The following TTC28 variants were observed in gnomAD, a reference collection of about 807,000 sequenced individuals.
The protein encoded by TTC28 is tetratricopeptide repeat protein 28.
TTC28 carries 61 observed loss-of-function variants against 198.0 expected under a neutral mutation model. The ratio of observed to expected loss-of-function variants is 0.31; its 90% CI spans 0.25 to 0.38. TTC28 has a LOEUF of 0.38. Ranked by LOEUF, TTC28 falls within the 10% of genes least tolerant of loss-of-function variation. TTC28 has a pLI of 1.00. For missense variants in TTC28, 2,678 were observed against 3,164.0 expected (o/e 0.85, Z 3.69); for synonymous variants, 1,171 against 1,297.8 (o/e 0.90, Z 2.10).
chr22:28,370,823 A>G (rs573407175), intron 2 of TTC28, among the ~76,000 whole-genome samples: 2 of 152,340 alleles, frequency 1.3e-5, no homozygotes, highest in East Asian at 1.9e-4. Context: ...TTGCTTTTCA[A>G]TGTTGTCCCT....
chr22:28,515,698 A>G (rs2048772254), intron 2 of TTC28, among the ~76,000 whole-genome samples: 1 of 152,190 alleles, frequency 6.6e-6, no homozygotes, highest in Non-Finnish European at 1.5e-5. Context: ...GCCACTATAC[A>G]TGGCATATGC....
chr22:28,107,393 C>T lies in TTC28; in HGVS notation c.2452G>A (p.Glu818Lys), dbSNP rs1207206715. The change falls in exon 7 of 23, where the codon GAA (glutamate) becomes AAA (lysine). Residue 818 changes from glutamate (E) to lysine (K), a missense_variant. Physicochemically the swap from Glu to Lys is moderately conservative, Grantham distance 56. Transcript: ENST00000397906. ...TTTTGCCCTAGATCCAGTTGCTCTTCATAACACTTGAATGCCATTGTGTAT... is the reference window on the plus strand; with the variant it reads ...TTTTGCCCTAGATCCAGTTGCTCTTTATAACACTTGAATGCCATTGTGTAT... ...GKYTMAFKCY[E>K]EQLDLGQKLK... is the part of the protein sequence containing the mutation. 1 of 1,551,844 alleles carries T rather than the reference C, an allele frequency of 6.4e-7. No individual in the cohort carries two copies. Among genetic ancestry groups the T allele is most frequent in the Admixed American group, 2.0e-5 (1 of 51,010 alleles).
At position 28,197,978 on chromosome 22, in the gene TTC28, C is replaced by CA. The variant is rs550219942; in HGVS notation, c.934-34380dup. ...ACTTCACCTTTCAAACAGCAAAGTGCAAAAAAGATTTTAAAAATTTCACCA... is the reference window on the plus strand; with the variant it reads ...ACTTCACCTTTCAAACAGCAAAGTGCAAAAAAAGATTTTAAAAATTTCACCA... On this transcript the variant is annotated intron_variant, in intron 5 of 22. Transcript: ENST00000397906. Among the ~76,000 whole-genome samples, 29 of 151,986 alleles carry CA rather than the reference C, an allele frequency of 1.9e-4. No homozygotes were observed. The East Asian group carries it at 5.4e-3, about 28-fold the overall frequency.
At chr22:28,225,709 G>A (rs865956330) in intron 5 of TTC28, among the ~76,000 whole-genome samples, 1 of 152,082 alleles carries the variant, frequency 6.6e-6, no homozygotes, top group Non-Finnish European at 1.5e-5. Flanking sequence ...AAATCACCAC[G>A]GCAGGCAACA....
chr22:27,985,798 C>G (rs1439137333), intron 21 of TTC28: 1 of 159,668 alleles, frequency 6.3e-6, no homozygotes, highest in Non-Finnish European at 1.4e-5. Flanking sequence ...TTCTCAAGGG[C>G]AAAGACAATG....
intron 2 of TTC28, among the ~76,000 whole-genome samples, chr22:28,586,250 G>A (rs1250124080): frequency 3.3e-5 from 5 of 150,442 alleles, no homozygotes; most frequent in Admixed American, 3.3e-4. Flanking sequence ...CTACATTCCA[G>A]CCTGGGCAAC....
chr22:28,156,355 G>T (rs1025635773), intron 6 of TTC28, among the ~76,000 whole-genome samples: 1 of 152,188 alleles, frequency 6.6e-6, no homozygotes, highest in Non-Finnish European at 1.5e-5. Flanking sequence ...GAGGAAGATG[G>T]CAGCTGACAG....
chr22:28,159,586 G>A (rs1388454162), intron 6 of TTC28, among the ~76,000 whole-genome samples: 3 of 151,332 alleles, frequency 2.0e-5, no homozygotes, highest in Admixed American at 1.3e-4. Flanking sequence ...TGGAACCCAG[G>A]AGGCAGAGGT....
At chr22:28,142,781 A>C (rs181804871) in intron 6 of TTC28, among the ~76,000 whole-genome samples, 24 of 152,354 alleles carry the variant, frequency 1.6e-4, no homozygotes, top group Non-Finnish European at 2.9e-4. Flanking sequence ...ATAATGTAAC[A>C]ATCGGAAAAC....
In TTC28 at chr22:28,025,291, G is replaced by A. The variant is rs575680974; in HGVS notation, c.4073+4935C>T. 3.3e-5 allele frequency among the ~76,000 whole-genome samples: 5 copies of A among 152,286 alleles called. No individual in the cohort carries two copies. In the East Asian group the frequency reaches 7.7e-4, roughly 23 times the overall value. On this transcript the variant is annotated intron_variant, in intron 13 of 22. Coordinates refer to ENST00000397906, the MANE Select transcript of TTC28 (RefSeq NM_001145418.2). ...GAAAGAAACTACTTACTACACAGCA[G>A]GATTGATCTCGTCATCATTAACCTT...
chr22:28,072,258 G>A (rs936366218), intron 12 of TTC28, among the ~76,000 whole-genome samples: 3 of 152,148 alleles, frequency 2.0e-5, no homozygotes, highest in African/African-American at 7.2e-5. Context: ...GAGAAGGTGT[G>A]GTTTATTCTA....
intron 2 of TTC28, among the ~76,000 whole-genome samples, chr22:28,599,077 C>T (rs1297397893): frequency 6.6e-6 from 1 of 152,132 alleles, no homozygotes; most frequent in Non-Finnish European, 1.5e-5. Flanking sequence ...CTGGGATTTA[C>T]ATGAAGAATA....
chr22:28,284,215 G>A (rs553823684), intron 5 of TTC28, among the ~76,000 whole-genome samples: 25 of 152,262 alleles, frequency 1.6e-4, no homozygotes, highest in African/African-American at 5.8e-4. Flanking sequence ...ATGTTGAATG[G>A]ATAAATGGAT....
chr22:28,225,365 AG>A (rs1928225234), intron 5 of TTC28, among the ~76,000 whole-genome samples: 3 of 81,948 alleles, frequency 3.7e-5, no homozygotes, highest in Non-Finnish European at 7.0e-5. Context: ...AAAAAAAAAA[AG>A]AAAAGAAGAA....
chr22:28,123,809 C>T (rs973289694), intron 6 of TTC28, among the ~76,000 whole-genome samples: 8 of 151,894 alleles, frequency 5.3e-5, no homozygotes, highest in Non-Finnish European at 1.2e-4. Context: ...ATGGTGAAAT[C>T]CCGTCTCTAC....
chr22:28,581,876 T>C (rs1456524537), intron 2 of TTC28, among the ~76,000 whole-genome samples: 1 of 152,224 alleles, frequency 6.6e-6, no homozygotes, highest in East Asian at 1.9e-4. Flanking sequence ...CATGGATATA[T>C]GTGGTATATC....
chr22:28,646,231 A>G (rs1203709953), intron 1 of TTC28, among the ~76,000 whole-genome samples: 1 of 152,202 alleles, frequency 6.6e-6, no homozygotes, highest in Non-Finnish European at 1.5e-5. Flanking sequence ...ATCGATGTAC[A>G]CAGATCAGTG....
chr22:28,637,416 A>C (rs771438077), intron 1 of TTC28, among the ~76,000 whole-genome samples: 2 of 152,218 alleles, frequency 1.3e-5, no homozygotes, highest in Non-Finnish European at 2.9e-5. Flanking sequence ...CCAGGACCAT[A>C]TATGTTGGAA....
chr22:28,628,913 G>C (rs1216706916), intron 2 of TTC28, among the ~76,000 whole-genome samples: 1 of 141,122 alleles, frequency 7.1e-6, no homozygotes, highest in Non-Finnish European at 1.6e-5. Flanking sequence ...GTCTCAGAAA[G>C]AAAAAAGGAA....
Sources: allele counts gnomAD v4.1 joint callset (sites outside exome capture counted in the v4.1 genomes callset), GRCh38; gene constraint gnomAD v4.1.1; transcripts MANE v1.5; gene names NCBI Gene and HGNC (gene_info 2026-07-23, HGNC 2026-07-21).